Variants in KIAA0753 observed in about 807,000 individuals in gnomAD.
KIAA0753 encodes KIAA0753, also known as protein moonraker.
Under a neutral mutation model 116.9 loss-of-function variants are expected in KIAA0753, and 114 were observed. That is an observed-to-expected ratio of 0.98 (90% CI 0.84 to 1.14). KIAA0753 has a LOEUF of 1.14. Ranked by LOEUF, KIAA0753 falls within the 50% of genes most tolerant of loss-of-function variation. The pLI is 0.00. For missense variants in KIAA0753, 1,156 were observed against 1,172.4 expected, an observed-to-expected ratio of 0.99 and a Z score of 0.20; for synonymous variants, 405 against 413.1, an observed-to-expected ratio of 0.98 and a Z score of 0.24.
chr17:6,589,971 C>T lies in KIAA0753; in HGVS notation c.2594G>A (p.Gly865Glu), dbSNP rs373949800. The T allele has an allele frequency of 3.8e-6, 6 of 1,587,938 alleles. No homozygotes were observed. The African/African-American group carries it at 8.2e-5, about 22-fold the overall frequency. Residue 865 changes from glycine (G) to glutamate (E), a missense_variant, in exon 18 of 19, where the codon GGA (glycine) becomes GAA (glutamate). Gly to Glu is a moderately conservative substitution (Grantham distance 98). Coordinates refer to ENST00000361413, the MANE Select transcript of KIAA0753 (RefSeq NM_014804.3). ...AAGAGGGGCCTCTCTTTTCTCTGAT[C>T]CTTCCTCTGTTCCCACACTTTCATC... ...SLDESVGTEEGSEKREAPLLS... is the reference protein window; with the variant it reads ...SLDESVGTEEESEKREAPLLS...
At chr17:6,591,789 C>T (rs1969087439) in intron 16 of KIAA0753, among the ~76,000 whole-genome samples, 1 of 152,254 alleles carries the variant, frequency 6.6e-6, no homozygotes, top group South Asian at 2.1e-4. Flanking sequence ...TACCTCTCCT[C>T]GGCTTCCACA....
At chr17:6,580,930 A>ACACACACACACC (rs149966522) in intron 18 of KIAA0753, among the ~76,000 whole-genome samples, 50 of 144,030 alleles carry the variant, frequency 3.5e-4, no homozygotes, top group African/African-American at 1.0e-3. Context: ...ACACACACAC[A>ACACACACACACC]CCTTCATTTT....
At chr17:6,590,295 C>A (rs190752283) in intron 17 of KIAA0753, among the ~76,000 whole-genome samples, 142 of 152,278 alleles carry the variant, frequency 9.3e-4, no homozygotes, top group African/African-American at 3.3e-3. Context: ...AAAAAAACAG[C>A]TAAATGTTAT....
chr17:6,585,043 C>T (rs1968466400), intron 18 of KIAA0753, among the ~76,000 whole-genome samples: 1 of 152,164 alleles, frequency 6.6e-6, no homozygotes, highest in East Asian at 1.9e-4. Flanking sequence ...ATCCTCCTGC[C>T]TCAGCCTCTC....
At chr17:6,623,378 C>T in intron 5 of KIAA0753, 131 bp downstream of exon 5, 3 of 732,036 alleles carry the variant, frequency 4.1e-6, no homozygotes, top group Non-Finnish European at 6.7e-6. Context: ...GTAAGGTGCT[C>T]ACTCCCTCAC....
rs368246031 is a variant in KIAA0753, at chr17:6,607,279, C to G, written c.1830-9G>C. On this transcript the variant is annotated splice_polypyrimidine_tract_variant and intron_variant, in intron 10 of 18. Transcript: ENST00000361413. The stretch of plus-strand genomic sequence containing the variant: ...CATCAAGCCAAGCGAGCCTAGCAGA[C>G]AGTCAAAAGAGTCAAACCAATTCTG... 1 of 1,613,312 alleles carries G rather than the reference C, an allele frequency of 6.2e-7. No individual in the cohort carries two copies. Among genetic ancestry groups the G allele is most frequent in the African/African-American group, 1.3e-5 (1 of 75,020 alleles).
intron 12 of KIAA0753, among the ~76,000 whole-genome samples, chr17:6,603,945 T>A (rs914200342): frequency 9.9e-5 from 15 of 152,166 alleles, no homozygotes; most frequent in Non-Finnish European, 1.9e-4. Flanking sequence ...CAGAGGCCAC[T>A]ATACACCCAT....
chr17:6,600,595 T>G, intron 12 of KIAA0753, 137 bp from the exon 13 acceptor site: 1 of 627,702 alleles, frequency 1.6e-6, no homozygotes, highest in Non-Finnish European at 2.8e-6. Flanking sequence ...ATCAATCTCC[T>G]GGGGATCTTG....
rs1970428473 is a variant in KIAA0753, at chr17:6,610,040, G to A, written c.1666C>T (p.Pro556Ser). The A allele has an allele frequency of 6.2e-7, 1 of 1,614,130 alleles. No homozygotes were observed. Among genetic ancestry groups the A allele is most frequent in the South Asian group, 1.1e-5 (1 of 91,084 alleles). ...NRQPVKDRKA[P>S]WIPPNPTSPP... ...GATGTGGGGTTTGGGGGTATCCATG[G>A]TGCCTTGCGGTCTTTCACAGGCTGC... Residue 556 changes from proline (P) to serine (S), a missense_variant, in exon 9 of 19, where the codon CCA becomes TCA. By Grantham distance (74) the Pro-to-Ser change is moderately conservative. Transcript: ENST00000361413.
intron 18 of KIAA0753, among the ~76,000 whole-genome samples, chr17:6,585,743 G>A (rs1246018410): frequency 4.6e-5 from 7 of 152,048 alleles, no homozygotes; most frequent in African/African-American, 1.7e-4. Context: ...GTTTCACTTA[G>A]CTCTCTGAGA....
chr17:6,615,630 A>C (rs7217050), intron 7 of KIAA0753, among the ~76,000 whole-genome samples: 1,797 of 151,244 alleles, frequency 0.012, 73 homozygotes, highest in African/African-American at 0.042. Flanking sequence ...AAAAAAAAAA[A>C]AAAAAAAAAA....
intron 2 of KIAA0753, among the ~76,000 whole-genome samples, chr17:6,632,590 T>C (rs1597606263): frequency 6.6e-6 from 1 of 152,242 alleles, no homozygotes; most frequent in Middle Eastern, 3.4e-3. Flanking sequence ...ATTAACATAG[T>C]CTCCAAGACA....
intron 12 of KIAA0753, among the ~76,000 whole-genome samples, chr17:6,604,649 G>C (rs796883585): frequency 3.9e-5 from 6 of 151,952 alleles, no homozygotes; most frequent in Non-Finnish European, 4.4e-5. Context: ...AGCAGTGAAT[G>C]GGGGCAGGAG....
intron 16 of KIAA0753, among the ~76,000 whole-genome samples, chr17:6,591,407 T>G (rs1032886724): frequency 6.6e-6 from 1 of 152,240 alleles, no homozygotes. Flanking sequence ...AAACTATTAC[T>G]GAGAGTGCAA....
At chr17:6,624,389 C>T (rs1971519136) in intron 4 of KIAA0753, among the ~76,000 whole-genome samples, 1 of 152,074 alleles carries the variant, frequency 6.6e-6, no homozygotes, top group African/African-American at 2.4e-5. Flanking sequence ...ACCAAGGGTT[C>T]AGGGTAACTG....
At chr17:6,613,412 A>G (rs1970681564) in intron 7 of KIAA0753, among the ~76,000 whole-genome samples, 2 of 152,224 alleles carry the variant, frequency 1.3e-5, no homozygotes, top group African/African-American at 4.8e-5. Context: ...AAGGATCTAA[A>G]TAAGTTGATC....
At chr17:6,630,107 G>A (rs950655831) in intron 2 of KIAA0753, among the ~76,000 whole-genome samples, 3 of 151,774 alleles carry the variant, frequency 2.0e-5, no homozygotes, top group Non-Finnish European at 4.4e-5. Context: ...GGGTGACAGA[G>A]GAAGACACTG....
intron 13 of KIAA0753, 65 bp from the exon 14 acceptor site, chr17:6,599,385 A>G: frequency 9.3e-7 from 1 of 1,074,928 alleles, no homozygotes; most frequent in Non-Finnish European, 1.4e-6. Flanking sequence ...GTACAAATGA[A>G]TTCTATTACC....
chr17:6,608,521 A>T, intron 9 of KIAA0753, 57 bp from the exon 10 acceptor site: 1 of 949,640 alleles, frequency 1.1e-6, no homozygotes, highest in East Asian at 2.9e-5. Context: ...CCAATGACTC[A>T]TCCAAGTAGG....
Sources: allele counts gnomAD v4.1 joint callset (sites outside exome capture counted in the v4.1 genomes callset), GRCh38; gene constraint gnomAD v4.1.1; transcripts MANE v1.5; gene names NCBI Gene and HGNC (gene_info 2026-07-23, HGNC 2026-07-21).